Variants in FBF1 observed in about 807,000 individuals in gnomAD.
FBF1 encodes Fas binding factor 1.
In FBF1, 119 loss-of-function variants were observed where a neutral mutation model predicts 147.2. The observed-to-expected ratio is 0.81, with a 90% CI of 0.70 to 0.94. FBF1 has a LOEUF of 0.94. FBF1 is among the 40% of genes least tolerant of loss of function. The pLI is 0.00. For missense variants in FBF1, 1,449 were observed against 1,500.8 expected, an observed-to-expected ratio of 0.97 and a Z score of 0.57; for synonymous variants, 601 against 609.0, an observed-to-expected ratio of 0.99 and a Z score of 0.19.
chr17:75,925,694 G>C lies in FBF1; in HGVS notation c.869-248C>G, dbSNP rs773304230. 3.0e-4 allele frequency among the ~76,000 whole-genome samples: 46 copies of C among 152,322 alleles called. No individual in the cohort carries two copies. Among genetic ancestry groups the C allele is most frequent in the Non-Finnish European group, 5.1e-4 (35 of 68,032 alleles). On this transcript the variant is annotated intron_variant, in intron 12 of 29. Coordinates refer to ENST00000636174, the MANE Select transcript of FBF1 (RefSeq NM_001319193.2). This position sits in a 1 kb window ranked among gnomAD's most constrained non-coding sequence, Gnocchi z 5.0. ...GCATGTGTCACAAGAATGATTCTCAGCAGACAGCTTGTGGGCTGATGCTTT... is the reference window on the plus strand; with the variant it reads ...GCATGTGTCACAAGAATGATTCTCACCAGACAGCTTGTGGGCTGATGCTTT...
intron 3 of FBF1, among the ~76,000 whole-genome samples, chr17:75,936,684 A>C (rs973061032): frequency 2.0e-5 from 3 of 151,970 alleles, no homozygotes; most frequent in African/African-American, 7.3e-5. Flanking sequence ...TAAAAAAAAA[A>C]ACAAAAAAAC....
Position 75,928,051 on chromosome 17 carries a change from C to A in FBF1, c.397+25G>T, listed in dbSNP as rs1183921321. On this transcript the variant is annotated intron_variant, in intron 8 of 29. Coordinates refer to ENST00000636174, the MANE Select transcript of FBF1 (RefSeq NM_001319193.2). The surrounding 1 kb of genome is among the most constrained non-coding windows in gnomAD (Gnocchi z 4.2). Reference sequence around the variant, plus strand: ...GATGCGAGGAGCCGTCTCCCATGCACCTTTCTCACTGGCTACTGACCCACC... The same window carrying A: ...GATGCGAGGAGCCGTCTCCCATGCAACTTTCTCACTGGCTACTGACCCACC... The A allele has an allele frequency of 1.9e-6, 3 of 1,591,340 alleles. No homozygotes were observed. The highest frequency in any genetic ancestry group is 1.7e-6 in the Non-Finnish European group (2 of 1,161,018).
rs2065509666 is a variant in FBF1, at chr17:75,919,437, G to C, written c.2138+231C>G. Among the ~76,000 whole-genome samples, 1 of 152,148 alleles carries C rather than the reference G, an allele frequency of 6.6e-6. No homozygotes were observed. Among genetic ancestry groups the C allele is most frequent in the Non-Finnish European group, 1.5e-5 (1 of 68,018 alleles). On this transcript the variant is annotated intron_variant, in intron 20 of 29. Transcript: ENST00000636174. The surrounding 1 kb of genome is among the most constrained non-coding windows in gnomAD (Gnocchi z 5.0). ...GGCTTGCTGCTGCCATGCCATGCCTGAACAGCCTGTGGGTACCCCCTCCTG... is the reference window on the plus strand; with the variant it reads ...GGCTTGCTGCTGCCATGCCATGCCTCAACAGCCTGTGGGTACCCCCTCCTG...
At chr17:75,940,247 C>CT (rs1293230064) in intron 1 of FBF1, among the ~76,000 whole-genome samples, 152 of 138,790 alleles carry the variant, frequency 1.1e-3, no homozygotes, top group South Asian at 1.9e-3. Context: ...GGCCTTCTTT[C>CT]TTTTTTTTTT....
chr17:75,913,428 G>A (rs1346993013), intron 28 of FBF1: 6 of 339,940 alleles, frequency 1.8e-5, no homozygotes, highest in Admixed American at 9.0e-5. Flanking sequence ...GATTATAGGC[G>A]TGAGCCACCA....
At chr17:75,920,129 A>G in intron 18 of FBF1, 22 bp from the exon 19 acceptor site, 1 of 1,580,888 alleles carries the variant, frequency 6.3e-7, no homozygotes, top group Non-Finnish European at 8.6e-7. Flanking sequence ...CAGGAGGGCC[A>G]GCAACCAGGG....
Position 75,938,163 on chromosome 17 carries a change from G to C in FBF1, c.-14C>G. 6.2e-7 allele frequency: 1 copy of C among 1,613,566 alleles called. No individual in the cohort carries two copies. ...TCTGCCTACCATCTCACGGCTCTCG[G>C]GGGTGCTCTCAGCTCCTTCACAGCA... is the stretch of plus-strand genomic sequence containing the variant. On this transcript the variant is annotated 5_prime_UTR_variant, in exon 2 of 30. Coordinates refer to ENST00000636174, the MANE Select transcript of FBF1 (RefSeq NM_001319193.2).
chr17:75,938,119 C>T lies in FBF1; in HGVS notation c.3+28G>A, dbSNP rs777277216. 10 of 1,613,096 alleles carry T rather than the reference C, an allele frequency of 6.2e-6. No homozygotes were observed. In the South Asian group the frequency reaches 1.1e-4, roughly 18 times the overall value. On this transcript the variant is annotated intron_variant, in intron 2 of 29. Transcript: ENST00000636174. Reference sequence around the variant, plus strand: ...CAGGATGGGAGGCATGTTCGCTTTCCATGCATCTTACTCTGAACTCTGCCT... The same window carrying T: ...CAGGATGGGAGGCATGTTCGCTTTCTATGCATCTTACTCTGAACTCTGCCT...
Position 75,913,853 on chromosome 17 carries a change from T to A in FBF1, c.3130-34A>T, listed in dbSNP as rs931642617. 12 of 1,577,110 alleles carry A rather than the reference T, an allele frequency of 7.6e-6. No homozygotes were observed. In the African/African-American group the frequency reaches 1.5e-4, roughly 19 times the overall value. The stretch of plus-strand genomic sequence containing the variant: ...GTTCCCCCAGAAAGAAGGACTCAGC[T>A]GTGAGGTGGGAGGCTGGGGGTGCCG... On this transcript the variant is annotated intron_variant, in intron 27 of 29. Coordinates refer to ENST00000636174, the MANE Select transcript of FBF1 (RefSeq NM_001319193.2).
chr17:75,913,872 G>A, intron 27 of FBF1, 41 bp downstream of exon 27: 1 of 1,559,454 alleles, frequency 6.4e-7, no homozygotes, highest in Middle Eastern at 1.7e-4. Context: ...GGAGGCTGGG[G>A]GTGCCGGGGG....
chr17:75,930,589 G>A lies in FBF1; in HGVS notation c.229-542C>T, dbSNP rs147611330. Among the ~76,000 whole-genome samples the A allele has an allele frequency of 6.8e-3, 1,033 of 152,148 alleles. 12 individuals are homozygous for A. The highest frequency in any genetic ancestry group is 0.023 in the African/African-American group (955 of 41,508). On this transcript the variant is annotated intron_variant, in intron 6 of 29. Coordinates refer to ENST00000636174, the MANE Select transcript of FBF1 (RefSeq NM_001319193.2). The stretch of plus-strand genomic sequence containing the variant: ...AGCCTGGCCAATGTGGTGAAACCCC[G>A]TCTCTACTAAAAATACAAAATTACC...
intron 5 of FBF1, among the ~76,000 whole-genome samples, chr17:75,932,051 T>G (rs1055896501): frequency 6.6e-6 from 1 of 152,198 alleles, no homozygotes; most frequent in Non-Finnish European, 1.5e-5. Flanking sequence ...TGACCTTTTG[T>G]GCAGTTCTCT....
intron 1 of FBF1, among the ~76,000 whole-genome samples, chr17:75,938,569 A>AG (rs1248265011): frequency 6.6e-6 from 1 of 150,928 alleles, no homozygotes; most frequent in East Asian, 1.9e-4. Context: ...AAAAAAAAAA[A>AG]AAAAAAAAGA....
chr17:75,926,194 T>C (rs1031331640), intron 11 of FBF1, 31 bp from the exon 12 acceptor site: 1 of 1,605,516 alleles, frequency 6.2e-7, no homozygotes, highest in East Asian at 2.2e-5. Flanking sequence ...CAGGAACGTG[T>C]AGGTATGAGG....
Position 75,915,118 on chromosome 17 carries a change from C to T in FBF1, c.2527G>A (p.Glu843Lys), listed in dbSNP as rs376405006. 6.8e-6 allele frequency: 11 copies of T among 1,608,654 alleles called. No individual in the cohort carries two copies. Among genetic ancestry groups the T allele is most frequent in the South Asian group, 2.2e-5 (2 of 90,668 alleles). The change falls in exon 24 of 30, where the codon GAG (glutamate) becomes AAG (lysine). Residue 843 changes from glutamate (E) to lysine (K), a missense_variant. Coordinates refer to ENST00000636174, the MANE Select transcript of FBF1 (RefSeq NM_001319193.2). ...TGCATGGACTCCGCCTTGGACTGCT[C>T]GGCAGTCACCCGCCAGCGTTCCTGT... is the stretch of plus-strand genomic sequence containing the variant. ...LEQERWRVTA[E>K]QSKAESMQRA...
chr17:75,932,270 G>C (rs561535057), intron 5 of FBF1, among the ~76,000 whole-genome samples: 1 of 152,276 alleles, frequency 6.6e-6, no homozygotes, highest in Admixed American at 6.5e-5. Context: ...CCAACTGCGT[G>C]GGAGGCTGAG....
In FBF1 at chr17:75,919,728, C is replaced by T. The variant is rs778453600; in HGVS notation, c.2078G>A (p.Arg693His). 38 of 1,613,152 alleles carry T rather than the reference C, an allele frequency of 2.4e-5. No homozygotes were observed. Among genetic ancestry groups the T allele is most frequent in the Non-Finnish European group, 2.9e-5 (34 of 1,179,842 alleles). Residue 693 changes from arginine (R) to histidine (H), a missense_variant, in exon 20 of 30, where the codon CGC becomes CAC. Physicochemically the swap from Arg to His is conservative, Grantham distance 29. Transcript: ENST00000636174. The surrounding 1 kb of genome is among the most constrained non-coding windows in gnomAD (Gnocchi z 5.0). ...RAELTAQHQRRLAAIAQEKDQ... is the reference protein window; with the variant it reads ...RAELTAQHQRHLAAIAQEKDQ... ...CTTCTCCTGCGCTATGGCCGCCAAG[C>T]GCCGCTGGTGCTGGGCCGTAAGCTC...
At position 75,914,852 on chromosome 17, in the gene FBF1, C is replaced by T. The variant is rs1265163252; in HGVS notation, c.2709G>A (p.Glu903=). 1.2e-6 allele frequency: 2 copies of T among 1,610,814 alleles called. No homozygotes were observed. The highest frequency in any genetic ancestry group is 1.7e-5 in the Admixed American group (1 of 59,880). ...ERRRLAAEWA[E]FSAQQKLSKE... ...TACTCAGCTTTTGCTGCGCGGAGAA[C>T]TCCGCCCACTCGGCAGCCAGGCGCC... is the stretch of plus-strand genomic sequence containing the variant. The change falls in exon 25 of 30, where the codon GAG becomes GAA. Residue 903 remains glutamate, a synonymous_variant. Coordinates refer to ENST00000636174, the MANE Select transcript of FBF1 (RefSeq NM_001319193.2).
chr17:75,927,990 A>G, intron 8 of FBF1, 86 bp downstream of exon 8: 1 of 1,095,368 alleles, frequency 9.1e-7, no homozygotes, highest in Non-Finnish European at 1.4e-6. Context: ...AACGCTTCCT[A>G]CTAGCATCTT....
Sources: gnomAD v4.1 joint callset for allele counts (sites outside exome capture counted in the v4.1 genomes callset) on GRCh38, gnomAD v4.1.1 for gene constraint, Gnocchi (gnomAD v3.1) non-coding constraint, MANE v1.5 for transcripts, NCBI Gene and HGNC (gene_info 2026-07-23, HGNC 2026-07-21) for gene names.